Variants in KDM4A observed in about 807,000 individuals in gnomAD.
The protein encoded by KDM4A is lysine demethylase 4A, also known as lysine-specific demethylase 4A.
Under a neutral mutation model 127.1 loss-of-function variants are expected in KDM4A, and 23 were observed. The ratio of observed to expected loss-of-function variants is 0.18; its 90% CI spans 0.13 to 0.26. The LOEUF (loss-of-function observed/expected upper bound fraction) is 0.26, where lower values mean the gene tolerates loss of function less well. KDM4A is among the 10% of genes least tolerant of loss of function. The pLI is 1.00. For missense variants in KDM4A, 890 were observed against 1,329.1 expected, an observed-to-expected ratio of 0.67 and a Z score of 5.14; for synonymous variants, 443 against 466.5, an observed-to-expected ratio of 0.95 and a Z score of 0.65.
At chr1:43,670,548 C>G (rs1042417909) in intron 10 of KDM4A, among the ~76,000 whole-genome samples, 2 of 148,188 alleles carry the variant, frequency 1.3e-5, no homozygotes, top group Admixed American at 6.9e-5. Flanking sequence ...ATACACCACG[C>G]CTGGCTAATT....
At chr1:43,685,674 A>C (rs1027768354) in intron 12 of KDM4A, among the ~76,000 whole-genome samples, 2 of 152,188 alleles carry the variant, frequency 1.3e-5, no homozygotes, top group Non-Finnish European at 1.5e-5. Flanking sequence ...AGGCTGAGGC[A>C]GGAGAATGGC....
chr1:43,652,904 A>G (rs2154046168), intron 1 of KDM4A, among the ~76,000 whole-genome samples: 1 of 151,720 alleles, frequency 6.6e-6, no homozygotes, highest in African/African-American at 2.4e-5. Flanking sequence ...GGCTGGTCTC[A>G]AACTTATGAC....
At chr1:43,669,476 C>T (rs769838294) in intron 10 of KDM4A, among the ~76,000 whole-genome samples, 177 bp downstream of exon 10, 6 of 151,906 alleles carry the variant, frequency 3.9e-5, no homozygotes, top group East Asian at 1.9e-4. Flanking sequence ...GGACTGGACA[C>T]GTAGGGAAAA....
intron 3 of KDM4A, among the ~76,000 whole-genome samples, chr1:43,656,328 G>GTTT (rs1660237478): frequency 9.7e-6 from 1 of 103,542 alleles, no homozygotes; most frequent in African/African-American, 3.8e-5. Context: ...CTCTGCTGTT[G>GTTT]GTTTTTTTTT....
rs202079840 is a variant in KDM4A at position 43,681,253 on chromosome 1, CCTT to C, written c.1735-2425_1735-2423del. 4.6e-3 allele frequency among the ~76,000 whole-genome samples: 695 copies of C among 152,198 alleles called. 5 individuals are homozygous for C. The highest frequency in any genetic ancestry group is 0.016 in the African/African-American group (661 of 41,514). ...GATCTCCCCCTCCCTGAAGCCGTCC[CCTT>C]CTTCTCTTTCTGGTATTCCTCTTAC... On this transcript the variant is annotated intron_variant, in intron 11 of 21. Coordinates refer to ENST00000372396, the MANE Select transcript of KDM4A (RefSeq NM_014663.3).
At chr1:43,683,892 A>C in intron 12 of KDM4A, 88 bp downstream of exon 12, 1 of 1,496,668 alleles carries the variant, frequency 6.7e-7, no homozygotes, top group Non-Finnish European at 9.1e-7. Context: ...AAGCTGAGGG[A>C]TAAGGGTGGG....
In KDM4A at chr1:43,690,880, T is replaced by C. The variant is rs185514192; in HGVS notation, c.2073T>C (p.Asn691=). Reference sequence around the variant, plus strand: ...GAGGCTTTAATCAGAACTGTGGAAATGCTTCAGATTTAGCCCCCCAGAAGC... The same window carrying C: ...GAGGCTTTAATCAGAACTGTGGAAACGCTTCAGATTTAGCCCCCCAGAAGC... ...EFGGFNQNCG[N]ASDLAPQKQR... The change falls in exon 14 of 22, where the codon AAT becomes AAC. Residue 691 remains asparagine (N), a synonymous_variant. Coordinates refer to ENST00000372396, the MANE Select transcript of KDM4A (RefSeq NM_014663.3). 6.2e-7 allele frequency: 1 copy of C among 1,614,206 alleles called. No individual in the cohort carries two copies. Among genetic ancestry groups the C allele is most frequent in the Admixed American group, 1.7e-5 (1 of 60,028 alleles).
At chr1:43,703,028 C>T (rs541029376) in intron 19 of KDM4A, among the ~76,000 whole-genome samples, 5 of 151,520 alleles carry the variant, frequency 3.3e-5, no homozygotes, top group South Asian at 2.1e-4. Context: ...CTGCAAGCTC[C>T]GCCTCCTGGG....
In KDM4A at chr1:43,671,607, C is replaced by T. The variant is rs764064619; in HGVS notation, c.1466C>T (p.Ser489Phe). 6.2e-7 allele frequency: 1 copy of T among 1,613,254 alleles called. No homozygotes were observed. Among genetic ancestry groups the T allele is most frequent in the Non-Finnish European group, 8.5e-7 (1 of 1,179,652 alleles). Residue 489 changes from serine to phenylalanine, a missense_variant, in exon 11 of 22, where the codon TCT becomes TTT. Coordinates refer to ENST00000372396, the MANE Select transcript of KDM4A (RefSeq NM_014663.3). ...EEQAAAALDL[S>F]VNPASVGGRL... ...CAAGCAGCAGCTGCCTTGGATCTTT[C>T]TGTGAATCCTGCGTCTGTAGGGGGA...
rs1196985514 is a variant in KDM4A at position 43,683,813 on chromosome 1, T to G, written c.1855+9T>G. 6.2e-7 allele frequency: 1 copy of G among 1,613,156 alleles called. No homozygotes were observed. The highest frequency in any genetic ancestry group is 2.2e-5 in the East Asian group (1 of 44,876). ...GTGTGTCAGTGATGATGGTAAGTGT[T>G]GTTTTTTCTTCACCAGGAGGAAAGC... On this transcript the variant is annotated intron_variant, in intron 12 of 21. Transcript: ENST00000372396.
rs938061856 is a variant in KDM4A, at chr1:43,683,156, G to A, written c.1735-528G>A. ...AGGAATGAACAGTATCTGCTAGCGC[G>A]AAGTCTTGGCAGTGTATAAGGAGAA... On this transcript the variant is annotated intron_variant, in intron 11 of 21. Coordinates refer to ENST00000372396, the MANE Select transcript of KDM4A (RefSeq NM_014663.3). Among the ~76,000 whole-genome samples the A allele has an allele frequency of 3.3e-5, 5 of 152,370 alleles. No homozygotes were observed. The East Asian group carries it at 7.7e-4, about 24-fold the overall frequency.
At position 43,667,975 on chromosome 1, in the gene KDM4A, C is replaced by T; in HGVS notation, c.1119C>T (p.Asp373=). 6.2e-7 allele frequency: 1 copy of T among 1,614,052 alleles called. No homozygotes were observed. The highest frequency in any genetic ancestry group is 8.5e-7 in the Non-Finnish European group (1 of 1,180,002). ...ACGAGGAGGAGTGCCCAGAGGAGGA[C>T]ATGGAAGGGGTGGAGGATGGAGAGG... ...AGNEEECPEE[D]MEGVEDGEEG... is the part of the protein sequence containing the mutation. Residue 373 remains aspartate, a synonymous_variant, in exon 9 of 22, where the codon GAC becomes GAT. Transcript: ENST00000372396.
At chr1:43,665,304 C>T (rs1026565633) in intron 5 of KDM4A, among the ~76,000 whole-genome samples, 1 of 152,010 alleles carries the variant, frequency 6.6e-6, no homozygotes, top group Non-Finnish European at 1.5e-5. Flanking sequence ...CCCAGTTAGG[C>T]CTTTCAAGCA....
At chr1:43,686,961 G>A (rs537485040) in intron 12 of KDM4A, among the ~76,000 whole-genome samples, 1 of 152,136 alleles carries the variant, frequency 6.6e-6, no homozygotes, top group Non-Finnish European at 1.5e-5. Context: ...TTCACAAATG[G>A]AATGATCTGG....
At chr1:43,680,875 G>C (rs1660842373) in intron 11 of KDM4A, among the ~76,000 whole-genome samples, 1 of 152,198 alleles carries the variant, frequency 6.6e-6, no homozygotes, top group East Asian at 1.9e-4. Flanking sequence ...CCTTTACCAT[G>C]TTAGAATAAC....
At chr1:43,666,808 C>T (rs1660510297) in intron 7 of KDM4A, 146 bp from the exon 8 acceptor site, 3 of 772,198 alleles carry the variant, frequency 3.9e-6, no homozygotes, top group South Asian at 3.4e-5. Context: ...TATGTCTGGG[C>T]TTTGCATTTT....
chr1:43,661,693 G>A (rs764221885), intron 4 of KDM4A, among the ~76,000 whole-genome samples: 5 of 149,744 alleles, frequency 3.3e-5, no homozygotes, highest in Non-Finnish European at 7.4e-5. Context: ...AGTCAGTCTT[G>A]TAGGGATGAA....
Position 43,689,092 on chromosome 1 carries a change from T to G in KDM4A, c.2034T>G (p.His678Gln). Residue 678 changes from histidine to glutamine, a missense_variant, in exon 13 of 22, where the codon CAT becomes CAG. By Grantham distance (24) the His-to-Gln change is conservative. Coordinates refer to ENST00000372396, the MANE Select transcript of KDM4A (RefSeq NM_014663.3). ...CAVCMIFQTYHQVEFGGFNQN... is the reference protein window; with the variant it reads ...CAVCMIFQTYQQVEFGGFNQN... ...TCTGTATGATCTTCCAGACTTATCATCAGGTAACCCAGCTCCATGCACTCT... is the reference window on the plus strand; with the variant it reads ...TCTGTATGATCTTCCAGACTTATCAGCAGGTAACCCAGCTCCATGCACTCT... The G allele has an allele frequency of 6.2e-7, 1 of 1,614,036 alleles. No individual in the cohort carries two copies. The highest frequency in any genetic ancestry group is 8.5e-7 in the Non-Finnish European group (1 of 1,179,942).
At chr1:43,670,824 G>A (rs1453200569) in intron 10 of KDM4A, among the ~76,000 whole-genome samples, 1 of 152,060 alleles carries the variant, frequency 6.6e-6, no homozygotes, top group Non-Finnish European at 1.5e-5. Flanking sequence ...GCCTCCCAAA[G>A]TGCTGGGATT....
Sources: gnomAD v4.1 joint callset for allele counts (sites outside exome capture counted in the v4.1 genomes callset) on GRCh38, gnomAD v4.1.1 for gene constraint, MANE v1.5 for transcripts, NCBI Gene and HGNC (gene_info 2026-07-23, HGNC 2026-07-21) for gene names.